The following DYNC1I1 variants were observed in gnomAD, a reference collection of about 807,000 sequenced individuals.
DYNC1I1 encodes the protein dynein cytoplasmic 1 intermediate chain 1.
Under a neutral mutation model 86.6 loss-of-function variants are expected in DYNC1I1, and 43 were observed. That is an observed-to-expected ratio of 0.50 (90% confidence interval 0.39 to 0.64). The LOEUF is 0.64. Among genes scored for constraint, DYNC1I1 ranks in the 30% least tolerant of loss-of-function variants. The pLI, the probability that DYNC1I1 is intolerant of heterozygous loss-of-function variation, is 0.00. For synonymous variants in DYNC1I1, 262 were observed against 283.7 expected, an observed-to-expected ratio of 0.92 and a Z score of 0.77; for missense variants, 604 against 788.8, an observed-to-expected ratio of 0.77 and a Z score of 2.81.
intron 6 of DYNC1I1, among the ~76,000 whole-genome samples, chr7:95,913,106 G>A (rs368153914): frequency 1.3e-5 from 2 of 152,144 alleles, no homozygotes; most frequent in Admixed American, 1.3e-4. Context: ...GTGAGCTAGT[G>A]TCTCTTTCAT....
chr7:95,925,924 T>C (rs1452154606), intron 6 of DYNC1I1, among the ~76,000 whole-genome samples: 1 of 152,200 alleles, frequency 6.6e-6, no homozygotes, highest in African/African-American at 2.4e-5. Flanking sequence ...TACAAACTTC[T>C]AATAAAGTTC....
At chr7:96,104,208 C>G (rs1459773194) in intron 16 of DYNC1I1, among the ~76,000 whole-genome samples, 2 of 151,890 alleles carry the variant, frequency 1.3e-5, no homozygotes, top group African/African-American at 4.8e-5. Flanking sequence ...GAAGAGTTTT[C>G]TTTATATATT....
chr7:95,846,621 C>CTGTGTGTGTGTGTG lies in DYNC1I1; in HGVS notation c.374+18506_374+18507insGTGTGTGTGTGTGT, dbSNP rs750813234. ...CATTCTGAACATAAATGATAAATCT[C>CTGTGTGTGTGTGTG]TCTCTCTGTGTGTGTGTGTGTGTGT... On this transcript the variant is annotated intron_variant, in intron 5 of 16. Transcript: ENST00000447467. Among the ~76,000 whole-genome samples the CTGTGTGTGTGTGTG allele has an allele frequency of 5.4e-3, 646 of 120,198 alleles. 13 individuals are homozygous for CTGTGTGTGTGTGTG. The highest frequency in any genetic ancestry group is 7.8e-3 in the Non-Finnish European group (449 of 57,868). 78.9% of individuals were successfully genotyped at this position (120,198 alleles called of 152,430 possible). A position where few individuals can be genotyped will look rare whatever the true frequency, so the allele number is the denominator to read the frequency against.
chr7:96,012,900 A>AT (rs943814910), intron 10 of DYNC1I1, among the ~76,000 whole-genome samples: 2 of 151,880 alleles, frequency 1.3e-5, no homozygotes, highest in African/African-American at 4.8e-5. Context: ...ATTTTTTTAA[A>AT]TTTTTTCCAT....
In DYNC1I1 at chr7:96,097,625, C is replaced by T. The variant is rs752749015; in HGVS notation, c.*32C>T. On this transcript the variant is annotated 3_prime_UTR_variant, in exon 17 of 17. Coordinates refer to ENST00000447467, the MANE Select transcript of DYNC1I1 (RefSeq NM_001135556.2). ...TGAGCCACCCCCACTGCAGCCCCCACCTTTGTGTCCTAGAGCTCAGCGTCT... is the reference window on the plus strand; with the variant it reads ...TGAGCCACCCCCACTGCAGCCCCCATCTTTGTGTCCTAGAGCTCAGCGTCT... The T allele has an allele frequency of 8.1e-6, 13 of 1,612,312 alleles. No individual in the cohort carries two copies. The highest frequency in any genetic ancestry group is 1.1e-5 in the Non-Finnish European group (13 of 1,179,112).
At chr7:95,826,178 G>A (rs1234046716) in intron 4 of DYNC1I1, among the ~76,000 whole-genome samples, 1 of 152,158 alleles carries the variant, frequency 6.6e-6, no homozygotes, top group East Asian at 1.9e-4. Flanking sequence ...ATTAAAATTT[G>A]AGAAGCACTG....
At chr7:95,806,648 G>A (rs1232102933) in intron 2 of DYNC1I1, among the ~76,000 whole-genome samples, 2 of 152,160 alleles carry the variant, frequency 1.3e-5, no homozygotes, top group African/African-American at 2.4e-5. Context: ...GAGTCAGATG[G>A]CAATACAGAG....
At chr7:95,932,211 A>G (rs1791917690) in intron 6 of DYNC1I1, among the ~76,000 whole-genome samples, 1 of 152,218 alleles carries the variant, frequency 6.6e-6, no homozygotes, top group Admixed American at 6.5e-5. Flanking sequence ...TGTAGCTTAT[A>G]TTCAGCTTTT....
intron 8 of DYNC1I1, among the ~76,000 whole-genome samples, chr7:95,985,899 A>G (rs1368688431): frequency 6.6e-6 from 1 of 152,100 alleles, no homozygotes; most frequent in Non-Finnish European, 1.5e-5. Flanking sequence ...CAGTATTTTG[A>G]ATATAGATGC....
intron 1 of DYNC1I1, among the ~76,000 whole-genome samples, chr7:95,773,342 A>G (rs931195616): frequency 4.6e-5 from 7 of 152,210 alleles, no homozygotes; most frequent in African/African-American, 1.7e-4. Flanking sequence ...CTGCTGCGAA[A>G]AAGTGTGGCT....
At chr7:96,109,367 CCA>C (rs1791274268) in intron 16 of DYNC1I1, among the ~76,000 whole-genome samples, 1 of 144,714 alleles carries the variant, frequency 6.9e-6, no homozygotes, top group Admixed American at 7.0e-5. Flanking sequence ...TCCCCCCTCC[CCA>C]CACCCCACAA....
chr7:95,948,739 A>C (rs1792471641), intron 6 of DYNC1I1, among the ~76,000 whole-genome samples: 1 of 152,166 alleles, frequency 6.6e-6, no homozygotes, highest in African/African-American at 2.4e-5. Flanking sequence ...AGTACTTCCT[A>C]ATATTCTTCC....
chr7:95,855,374 T>C lies in DYNC1I1; in HGVS notation c.375-14509T>C, dbSNP rs1789690840. ...CCTTTCTATCTTCAGAATCCTCTCTTTGTCTTTGGTTTTTGACAGTTTGAT... is the reference window on the plus strand; with the variant it reads ...CCTTTCTATCTTCAGAATCCTCTCTCTGTCTTTGGTTTTTGACAGTTTGAT... On this transcript the variant is annotated intron_variant, in intron 5 of 16. Coordinates refer to ENST00000447467, the MANE Select transcript of DYNC1I1 (RefSeq NM_001135556.2). Among the ~76,000 whole-genome samples the C allele has an allele frequency of 3.3e-5, 5 of 152,340 alleles. No individual in the cohort carries two copies. In the South Asian group the frequency reaches 1.0e-3, roughly 32 times the overall value.
At chr7:95,853,677 T>G (rs1789640391) in intron 5 of DYNC1I1, among the ~76,000 whole-genome samples, 1 of 152,228 alleles carries the variant, frequency 6.6e-6, no homozygotes, top group Non-Finnish European at 1.5e-5. Flanking sequence ...TAGGTCTATT[T>G]GGTCTATTGT....
chr7:96,001,518 T>G (rs979352745), intron 10 of DYNC1I1, among the ~76,000 whole-genome samples: 1 of 152,208 alleles, frequency 6.6e-6, no homozygotes, highest in Non-Finnish European at 1.5e-5. Flanking sequence ...TTTCACTGTT[T>G]TGGAGTCTGA....
In DYNC1I1 at chr7:96,092,071, C is replaced by G. The variant is rs1200767925; in HGVS notation, c.1777-5412C>G. Among the ~76,000 whole-genome samples the G allele has an allele frequency of 5.9e-5, 9 of 152,114 alleles. No individual in the cohort carries two copies. In the East Asian group the frequency reaches 9.6e-4, roughly 16 times the overall value. ...ATTTTTCTTGTGATTTGAAAGAACT[C>G]TTTCCCTGTCCCCCGTTCATGAAAG... is the stretch of plus-strand genomic sequence containing the variant. On this transcript the variant is annotated intron_variant, in intron 16 of 16. Transcript: ENST00000447467.
chr7:96,021,425 C>T (rs904292751), intron 10 of DYNC1I1, among the ~76,000 whole-genome samples: 37 of 152,116 alleles, frequency 2.4e-4, no homozygotes, highest in African/African-American at 7.2e-4. Context: ...GAGTGATCCA[C>T]GGGGTCCAGA....
chr7:95,818,621 C>T (rs1181991039), intron 4 of DYNC1I1: 1 of 551,512 alleles, frequency 1.8e-6, no homozygotes, highest in Admixed American at 2.8e-5. Flanking sequence ...GCTGAGATTA[C>T]AGGCAGGACC....
chr7:95,992,509 G>A (rs540192621), intron 9 of DYNC1I1, among the ~76,000 whole-genome samples: 6 of 152,292 alleles, frequency 3.9e-5, no homozygotes, highest in Admixed American at 6.5e-5. Context: ...CTGTGGAAAT[G>A]AGTAAACCAT....
Sources: allele counts gnomAD v4.1 joint callset (sites outside exome capture counted in the v4.1 genomes callset), GRCh38; gene constraint gnomAD v4.1.1; transcripts MANE v1.5; gene names NCBI Gene and HGNC (gene_info 2026-07-23, HGNC 2026-07-21).